Variants in COBL observed in about 807,000 individuals in gnomAD.
COBL encodes cordon-bleu WH2 repeat protein.
In COBL, 51 loss-of-function variants were observed where a neutral mutation model predicts 98.8. The ratio of observed to expected loss-of-function variants is 0.52; its 90% CI spans 0.41 to 0.65. COBL has a LOEUF of 0.65. COBL is among the 30% of genes least tolerant of loss of function. The probability of loss-of-function intolerance (pLI) is 0.00; values close to 1 mark genes in which losing one functional copy is unlikely to be tolerated. For missense variants in COBL, 1,617 were observed against 1,617.5 expected (o/e 1.00, Z 0.01); for synonymous variants, 634 against 651.7 (o/e 0.97, Z 0.41).
Position 51,259,148 on chromosome 7 carries a change from G to C in COBL, c.42-39204C>G, listed in dbSNP as rs1229483690. ...ACTAAAAATACAAAATTAGCCAGATGCAGTGGCGATTGCCTGTAATCCCAG... is the reference window on the plus strand; with the variant it reads ...ACTAAAAATACAAAATTAGCCAGATCCAGTGGCGATTGCCTGTAATCCCAG... On this transcript the variant is annotated intron_variant, in intron 1 of 12. Transcript: ENST00000265136. Among the ~76,000 whole-genome samples the C allele has an allele frequency of 2.0e-5, 3 of 152,022 alleles. No individual in the cohort carries two copies. In the East Asian group the frequency reaches 5.8e-4, roughly 29 times the overall value.
At chr7:51,270,967 T>C (rs1798703282) in intron 1 of COBL, among the ~76,000 whole-genome samples, 1 of 152,158 alleles carries the variant, frequency 6.6e-6, no homozygotes, top group Admixed American at 6.5e-5. Flanking sequence ...AGGGGGGTCA[T>C]GAGCTAAGGA....
intron 8 of COBL, among the ~76,000 whole-genome samples, chr7:51,037,044 C>T (rs973225001): frequency 1.3e-5 from 2 of 152,180 alleles, no homozygotes; most frequent in Admixed American, 6.5e-5. Context: ...TCCTCTACTT[C>T]CCCATCCATC....
At chr7:51,118,179 T>C (rs1347265729) in intron 6 of COBL, among the ~76,000 whole-genome samples, 1 of 152,216 alleles carries the variant, frequency 6.6e-6, no homozygotes, top group Non-Finnish European at 1.5e-5. Flanking sequence ...ATATAATCTA[T>C]TGACTACTGT....
chr7:51,187,528 G>A lies in COBL; in HGVS notation c.685+3322C>T, dbSNP rs114211770. Among the ~76,000 whole-genome samples, 1,113 of 152,218 alleles carry A rather than the reference G, an allele frequency of 7.3e-3. 13 individuals are homozygous for A. The highest frequency in any genetic ancestry group is 0.026 in the African/African-American group (1,081 of 41,538). On this transcript the variant is annotated intron_variant, in intron 4 of 12. Transcript: ENST00000265136. ...AATCCATACTGTCCCAAATTCTGTA[G>A]CATGCAGGATGGCCTTCAGGGGCAG...
chr7:51,079,682 A>G (rs535360736), intron 7 of COBL, among the ~76,000 whole-genome samples: 313 of 152,308 alleles, frequency 2.1e-3, no homozygotes, highest in Non-Finnish European at 3.2e-3. Flanking sequence ...CAGGGTGTGC[A>G]CAGAGAACTT....
chr7:51,034,113 C>G (rs1000807188), intron 8 of COBL: 2 of 153,004 alleles, frequency 1.3e-5, no homozygotes, highest in East Asian at 3.8e-4. Flanking sequence ...ACTGGCCTCA[C>G]TTGGCACTCT....
At chr7:51,247,225 G>T (rs1796339659) in intron 1 of COBL, among the ~76,000 whole-genome samples, 1 of 152,102 alleles carries the variant, frequency 6.6e-6, no homozygotes, top group Non-Finnish European at 1.5e-5. Context: ...CTCCCAATTG[G>T]GATTGGCCCT....
chr7:51,216,407 G>A (rs942351912), intron 2 of COBL, among the ~76,000 whole-genome samples: 26 of 152,114 alleles, frequency 1.7e-4, no homozygotes, highest in African/African-American at 6.0e-4. Flanking sequence ...CTGACCTCAG[G>A]TGATCCGCCC....
chr7:51,142,114 T>C (rs1027256402), intron 5 of COBL, among the ~76,000 whole-genome samples: 3 of 152,062 alleles, frequency 2.0e-5, no homozygotes, highest in East Asian at 3.9e-4. Flanking sequence ...CTGATCACCA[T>C]GAATGGGCAG....
At chr7:51,164,483 T>C (rs552789206) in intron 5 of COBL, among the ~76,000 whole-genome samples, 2 of 152,208 alleles carry the variant, frequency 1.3e-5, no homozygotes, top group South Asian at 2.1e-4. Context: ...AAGTTCTGAA[T>C]GAAAAAATAC....
chr7:51,224,503 A>G (rs1319760584), intron 1 of COBL, among the ~76,000 whole-genome samples: 1 of 152,032 alleles, frequency 6.6e-6, no homozygotes, highest in Admixed American at 6.6e-5. Flanking sequence ...GATGAGCAGA[A>G]ATTTCATATA....
chr7:51,093,897 A>C (rs1795038762), intron 6 of COBL, among the ~76,000 whole-genome samples: 1 of 151,854 alleles, frequency 6.6e-6, no homozygotes, highest in Non-Finnish European at 1.5e-5. Flanking sequence ...CTGACACCAA[A>C]AGAAAAAAAA....
intron 5 of COBL, among the ~76,000 whole-genome samples, chr7:51,158,648 C>A (rs956135927): frequency 2.0e-5 from 3 of 152,028 alleles, no homozygotes; most frequent in Admixed American, 6.5e-5. Flanking sequence ...GAACAGAGCA[C>A]GGTGGGAGGC....
Position 51,029,346 on chromosome 7 carries a change from C to T in COBL, c.1750G>A (p.Ala584Thr). The change falls in exon 10 of 13, where the codon GCT (alanine) becomes ACT (threonine). Residue 584 changes from alanine (A) to threonine (T), a missense_variant. Physicochemically the swap from Ala to Thr is moderately conservative, Grantham distance 58 (BLOSUM62 0). Around this residue, in one of 3 missense-constraint regions of COBL, gnomAD observed 1,304 missense variants for 1,282.0 expected, o/e 1.02. Transcript: ENST00000265136. ...TTTTCATGGGGCTGGCTGTGCTCAG[C>T]TTGAAGTGGCGCCAGGGAGTCTCTC... ...SRRDSLAPLQAEHSQPHEKAR... is the reference protein window; with the variant it reads ...SRRDSLAPLQTEHSQPHEKAR... The T allele has an allele frequency of 6.2e-7, 1 of 1,604,584 alleles. No homozygotes were observed. Among genetic ancestry groups the T allele is most frequent in the Non-Finnish European group, 8.5e-7 (1 of 1,174,156 alleles).
chr7:51,048,675 A>T (rs2128894619), intron 7 of COBL, among the ~76,000 whole-genome samples: 1 of 152,034 alleles, frequency 6.6e-6, no homozygotes, highest in Non-Finnish European at 1.5e-5. Context: ...TAGAATATGT[A>T]TCTAAGTTAA....
intron 1 of COBL, among the ~76,000 whole-genome samples, chr7:51,266,814 T>C (rs1242831767): frequency 6.6e-6 from 1 of 152,090 alleles, no homozygotes; most frequent in African/African-American, 2.4e-5. Context: ...AAACCTAACA[T>C]TTTTATTGAG....
Position 51,243,594 on chromosome 7 carries a change from T to C in COBL, c.42-23650A>G, listed in dbSNP as rs1173850697. ...CCTCAGCAGGAAAAAGGAGGCAACA[T>C]AGCAAGCTGGGTGGAGCCCAAGAAC... On this transcript the variant is annotated intron_variant, in intron 1 of 12. Transcript: ENST00000265136. 6.6e-5 allele frequency among the ~76,000 whole-genome samples: 10 copies of C among 152,110 alleles called. No individual in the cohort carries two copies. The South Asian group carries it at 1.5e-3, about 22-fold the overall frequency.
chr7:51,087,769 C>T (rs757394094), intron 6 of COBL, among the ~76,000 whole-genome samples: 58 of 143,654 alleles, frequency 4.0e-4, no homozygotes, highest in Non-Finnish European at 5.8e-4. Context: ...CCACTGTGCC[C>T]GGCCCCGCCT....
intron 8 of COBL, among the ~76,000 whole-genome samples, chr7:51,038,697 C>A (rs992320948): frequency 2.0e-5 from 3 of 152,282 alleles, no homozygotes; most frequent in African/African-American, 7.2e-5. Flanking sequence ...TATGAGAAAT[C>A]CTCATTTTCT....
Sources: gnomAD v4.1 joint callset for allele counts (sites outside exome capture counted in the v4.1 genomes callset) on GRCh38, gnomAD v4.1.1 for gene constraint, gnomAD v4.1.1 regional missense constraint, MANE v1.5 for transcripts, NCBI Gene and HGNC (gene_info 2026-07-23, HGNC 2026-07-21) for gene names.